Variants in COL7A1 observed in about 807,000 individuals in gnomAD.
COL7A1 encodes collagen type VII alpha 1 chain.
Under a neutral mutation model 456.2 loss-of-function variants are expected in COL7A1, and 296 were observed. The observed-to-expected ratio is 0.65, with a 90% CI of 0.59 to 0.71. The LOEUF is 0.71. COL7A1 is among the 30% of genes least tolerant of loss of function. The pLI is 0.00. For missense variants in COL7A1, 3,441 were observed against 4,017.2 expected (o/e 0.86, Z 3.88); for synonymous variants, 1,464 against 1,525.9 (o/e 0.96, Z 0.95).
In COL7A1 at chr3:48,566,618, G is replaced by A. The variant is rs1240431903; in HGVS notation, c.8304+42C>T. On this transcript the variant is annotated intron_variant, in intron 112 of 118. Coordinates refer to ENST00000681320, the MANE Select transcript of COL7A1 (RefSeq NM_000094.4). The surrounding 1 kb of genome is among the most constrained non-coding windows in gnomAD (Gnocchi z 5.9). ...ACCTCTGACCTCAGGGACAACAGAA[G>A]TCACCCCGATCTCTGACCCAAGCCT... 1.2e-6 allele frequency: 2 copies of A among 1,614,062 alleles called. No individual in the cohort carries two copies. The highest frequency in any genetic ancestry group is 1.7e-6 in the Non-Finnish European group (2 of 1,180,020).
At position 48,575,777 on chromosome 3, in the gene COL7A1, G is replaced by A. The variant is rs530472017; in HGVS notation, c.5857-29C>T. 45 of 1,613,790 alleles carry A rather than the reference G, an allele frequency of 2.8e-5. No individual in the cohort carries two copies. In the Middle Eastern group the frequency reaches 1.6e-3, roughly 59 times the overall value. On this transcript the variant is annotated intron_variant, in intron 72 of 118. Transcript: ENST00000681320. This position sits in a 1 kb window ranked among gnomAD's most constrained non-coding sequence, Gnocchi z 6.3. The stretch of plus-strand genomic sequence containing the variant: ...AGGGACAGCAAGAGGTCAGAGGAGC[G>A]GGGTGCGTCGCCGCAGCCCCTATGC...
chr3:48,589,119 C>T lies in COL7A1; in HGVS notation c.2315-124G>A, dbSNP rs909843450. The T allele has an allele frequency of 3.2e-6, 5 of 1,552,480 alleles. No homozygotes were observed. In the African/African-American group the frequency reaches 6.8e-5, roughly 21 times the overall value. Reference sequence around the variant, plus strand: ...TGTGGACAGGTCACTTTAGGCAGCCCTGAGGAGGAGGAGGTCAGTGCCTTG... The same window carrying T: ...TGTGGACAGGTCACTTTAGGCAGCCTTGAGGAGGAGGAGGTCAGTGCCTTG... On this transcript the variant is annotated intron_variant, in intron 18 of 118. Coordinates refer to ENST00000681320, the MANE Select transcript of COL7A1 (RefSeq NM_000094.4).
chr3:48,575,508 A>T lies in COL7A1; in HGVS notation c.6011T>A (p.Leu2004Gln). 1 of 1,612,636 alleles carries T rather than the reference A, an allele frequency of 6.2e-7. No individual in the cohort carries two copies. ...GCCAGGGTCTCCACGGTCGCCCTTC[A>T]GCCCGCGTTCTCCAGGAAAGCCGAT... Reference protein sequence around the residue: ...GPIGFPGERGLKGDRGDPGPQ... With the variant: ...GPIGFPGERGQKGDRGDPGPQ... Residue 2004 changes from leucine (L) to glutamine (Q), a missense_variant, in exon 74 of 119, where the codon CTG (leucine) becomes CAG (glutamine). Coordinates refer to ENST00000681320, the MANE Select transcript of COL7A1 (RefSeq NM_000094.4). The surrounding 1 kb of genome is among the most constrained non-coding windows in gnomAD (Gnocchi z 6.3).
In COL7A1 at chr3:48,578,839, C is replaced by T. The variant is rs1361852664; in HGVS notation, c.5424+80G>A. 6.2e-6 allele frequency: 9 copies of T among 1,460,130 alleles called. No homozygotes were observed. Among genetic ancestry groups the T allele is most frequent in the East Asian group, 2.4e-5 (1 of 41,866 alleles). 90.4% of individuals were successfully genotyped at this position (1,460,130 alleles called of 1,614,324 possible). On this transcript the variant is annotated intron_variant, in intron 63 of 118. Transcript: ENST00000681320. The surrounding 1 kb of genome is among the most constrained non-coding windows in gnomAD (Gnocchi z 4.7). ...TGAACCGACCCCCCACCAACTCTCT[C>T]GGATGCTGTGACTATGATGATCTGG...
rs1385270742 is a variant in COL7A1, at chr3:48,590,932, G to A, written c.1637-116C>T. The A allele has an allele frequency of 4.8e-5, 51 of 1,072,848 alleles. 1 individual carries two copies. Among genetic ancestry groups the A allele is most frequent in the Non-Finnish European group, 6.6e-5 (48 of 722,326 alleles). 66.5% of individuals were successfully genotyped at this position (1,072,848 alleles called of 1,614,324 possible). A position where few individuals can be genotyped will look rare whatever the true frequency, so the allele number is the denominator to read the frequency against. ...AGGGCCATGGGGGTGGGGATGTGGG[G>A]TGGTGGGGACCAGAGAGCTGGGATA... On this transcript the variant is annotated intron_variant, in intron 13 of 118. Coordinates refer to ENST00000681320, the MANE Select transcript of COL7A1 (RefSeq NM_000094.4). This position sits in a 1 kb window ranked among gnomAD's most constrained non-coding sequence, Gnocchi z 4.6.
At position 48,575,792 on chromosome 3, in the gene COL7A1, A is replaced by T; in HGVS notation, c.5857-44T>A. 1 of 1,613,788 alleles carries T rather than the reference A, an allele frequency of 6.2e-7. No individual in the cohort carries two copies. The highest frequency in any genetic ancestry group is 8.5e-7 in the Non-Finnish European group (1 of 1,179,968). The stretch of plus-strand genomic sequence containing the variant: ...TCAGAGGAGCGGGGTGCGTCGCCGC[A>T]GCCCCTATGCCTGTGGGCACCACTA... On this transcript the variant is annotated intron_variant, in intron 72 of 118. Transcript: ENST00000681320. This position sits in a 1 kb window ranked among gnomAD's most constrained non-coding sequence, Gnocchi z 6.3.
chr3:48,578,755 A>T lies in COL7A1; in HGVS notation c.5424+164T>A, dbSNP rs751991497. On this transcript the variant is annotated intron_variant, in intron 63 of 118. Transcript: ENST00000681320. The surrounding 1 kb of genome is among the most constrained non-coding windows in gnomAD (Gnocchi z 4.7). Reference sequence around the variant, plus strand: ...AGACCCCCAAGGCAAAGAAGGTCAGAAAGGGGGATTCTACTAAAACCTGTG... The same window carrying T: ...AGACCCCCAAGGCAAAGAAGGTCAGTAAGGGGGATTCTACTAAAACCTGTG... 269 of 804,062 alleles carry T rather than the reference A, an allele frequency of 3.3e-4. No homozygotes were observed. The highest frequency in any genetic ancestry group is 1.1e-3 in the Middle Eastern group (3 of 2,670). 49.8% of individuals were successfully genotyped at this position (804,062 alleles called of 1,614,324 possible).
rs778896185 is a variant in COL7A1 at position 48,591,845 on chromosome 3, C to A, written c.1358-23G>T. The A allele has an allele frequency of 1.9e-6, 3 of 1,614,044 alleles. No individual in the cohort carries two copies. The highest frequency in any genetic ancestry group is 1.1e-5 in the South Asian group (1 of 91,084). ...AGCCTGCAAGATAACAGGGTCAGACCAGCAGAGGCCATGCCCTGACCCTTG... is the reference window on the plus strand; with the variant it reads ...AGCCTGCAAGATAACAGGGTCAGACAAGCAGAGGCCATGCCCTGACCCTTG... On this transcript the variant is annotated intron_variant, in intron 11 of 118. Coordinates refer to ENST00000681320, the MANE Select transcript of COL7A1 (RefSeq NM_000094.4). The surrounding 1 kb of genome is among the most constrained non-coding windows in gnomAD (Gnocchi z 7.0).
Position 48,566,220 on chromosome 3 carries a change from T to A in COL7A1, c.8407+47A>T, listed in dbSNP as rs1467492009. ...TTCTAGGGGCCTGCCTGCCCTTGCCTAGGGTGCTGGGGTGGAGTGGGAGAC... is the reference window on the plus strand; with the variant it reads ...TTCTAGGGGCCTGCCTGCCCTTGCCAAGGGTGCTGGGGTGGAGTGGGAGAC... On this transcript the variant is annotated intron_variant, in intron 114 of 118. Transcript: ENST00000681320. This position sits in a 1 kb window ranked among gnomAD's most constrained non-coding sequence, Gnocchi z 5.9. 1.3e-6 allele frequency: 2 copies of A among 1,574,660 alleles called. No homozygotes were observed. Among genetic ancestry groups the A allele is most frequent in the South Asian group, 2.3e-5 (2 of 85,842 alleles).
chr3:48,585,690 CG>C lies in COL7A1; in HGVS notation c.3830del (p.Pro1277ArgfsTer48), dbSNP rs774436727. On this transcript the variant is annotated frameshift_variant and splice_region_variant, in exon 31 of 119. Coordinates refer to ENST00000681320, the MANE Select transcript of COL7A1 (RefSeq NM_000094.4). LOFTEE classifies it high-confidence loss of function. The surrounding 1 kb of genome is among the most constrained non-coding windows in gnomAD (Gnocchi z 4.5). Reference protein sequence around the residue: ...QVGPPGDPGLPGRTGAPGPQG... With the variant: ...QVGPPGDPGLXGRTGAPGPQG... ...AGGGACAGATGTGGGGGACACTCAC[CG>C]GGAGGCCAGGGTCGCCAGGAGGCCC... is the stretch of plus-strand genomic sequence containing the variant. The C allele has an allele frequency of 5.6e-6, 9 of 1,613,994 alleles. No homozygotes were observed. The highest frequency in any genetic ancestry group is 6.8e-6 in the Non-Finnish European group (8 of 1,179,978).
At position 48,571,937 on chromosome 3, in the gene COL7A1, G is replaced by A. The variant is rs952386383; in HGVS notation, c.7068+64C>T. Reference sequence around the variant, plus strand: ...AGACATGTGCCCCGGCCCAAGAGTGGCCCCTTATGCCCGCCATCACACTCC... The same window carrying A: ...AGACATGTGCCCCGGCCCAAGAGTGACCCCTTATGCCCGCCATCACACTCC... On this transcript the variant is annotated intron_variant, in intron 92 of 118. Coordinates refer to ENST00000681320, the MANE Select transcript of COL7A1 (RefSeq NM_000094.4). The surrounding 1 kb of genome is among the most constrained non-coding windows in gnomAD (Gnocchi z 4.6). The A allele has an allele frequency of 6.3e-7, 1 of 1,584,404 alleles. No homozygotes were observed. Among genetic ancestry groups the A allele is most frequent in the African/African-American group, 1.3e-5 (1 of 74,236 alleles).
In COL7A1 at chr3:48,588,021, G is replaced by A; in HGVS notation, c.2711-82C>T. 6.7e-7 allele frequency: 1 copy of A among 1,484,428 alleles called. No homozygotes were observed. The highest frequency in any genetic ancestry group is 9.1e-7 in the Non-Finnish European group (1 of 1,096,386). The allele number at this position is 1,484,428 out of a possible 1,614,324, so 92.0% of individuals were successfully genotyped here. On this transcript the variant is annotated intron_variant, in intron 21 of 118. Coordinates refer to ENST00000681320, the MANE Select transcript of COL7A1 (RefSeq NM_000094.4). This position sits in a 1 kb window ranked among gnomAD's most constrained non-coding sequence, Gnocchi z 4.6. ...CATTAAAGGGCCTGCCCACTTCACT[G>A]GCTCTGTTAACTGGGTTCACCCTCC...
chr3:48,581,523 C>G lies in COL7A1; in HGVS notation c.4783-40G>C. 1 of 1,614,112 alleles carries G rather than the reference C, an allele frequency of 6.2e-7. No individual in the cohort carries two copies. Among genetic ancestry groups the G allele is most frequent in the Non-Finnish European group, 8.5e-7 (1 of 1,180,002 alleles). On this transcript the variant is annotated intron_variant, in intron 50 of 118. Coordinates refer to ENST00000681320, the MANE Select transcript of COL7A1 (RefSeq NM_000094.4). This position sits in a 1 kb window ranked among gnomAD's most constrained non-coding sequence, Gnocchi z 5.8. ...AGGGGGGCAGGACTTAGTCAGGGTC[C>G]CACCACCTCATCTCCCTCTGTCACA...
Position 48,594,329 on chromosome 3 carries a change from G to A in COL7A1, c.266+39C>T. The A allele has an allele frequency of 6.3e-7, 1 of 1,597,278 alleles. No individual in the cohort carries two copies. Among genetic ancestry groups the A allele is most frequent in the African/African-American group, 1.4e-5 (1 of 73,856 alleles). On this transcript the variant is annotated intron_variant, in intron 3 of 118. Transcript: ENST00000681320. The surrounding 1 kb of genome is among the most constrained non-coding windows in gnomAD (Gnocchi z 5.5). ...CCTCTCTGGGGAAGGAGTCTTGGTG[G>A]GGATCTCGTGGTCCCCAGCCCCCAG...
rs763272653 is a variant in COL7A1, at chr3:48,574,714, G to A, written c.6356C>T (p.Pro2119Leu). ...GGGACCTTGGTCACCATTGCTGCCC[G>A]GCTCCCCCTGTGGGGATGAGATGTC... is the stretch of plus-strand genomic sequence containing the variant. ...PPGLKGAKGE[P>L]GSNGDQGPKG... is the part of the protein sequence containing the mutation. Residue 2119 changes from proline to leucine, a missense_variant, in exon 78 of 119, where the codon CCG becomes CTG. Physicochemically the swap from Pro to Leu is moderately conservative, Grantham distance 98 (BLOSUM62 -3). This residue lies in a region of COL7A1 where 2,084 missense variants were observed against 2,501.3 expected (regional missense o/e 0.83). Transcript: ENST00000681320. This position sits in a 1 kb window ranked among gnomAD's most constrained non-coding sequence, Gnocchi z 5.0. The A allele has an allele frequency of 2.9e-5, 46 of 1,613,836 alleles. No individual in the cohort carries two copies. The highest frequency in any genetic ancestry group is 1.1e-4 in the South Asian group (10 of 91,090).
chr3:48,582,966 G>T, intron 44 of COL7A1, 47 bp downstream of exon 44: 1 of 1,613,904 alleles, frequency 6.2e-7, no homozygotes, highest in Admixed American at 1.7e-5. Flanking sequence ...AACCAGAAAG[G>T]GCACAGCCAG....
rs1040213326 is a variant in COL7A1, at chr3:48,570,375, A to G, written c.7381-41T>C. On this transcript the variant is annotated intron_variant, in intron 97 of 118. Transcript: ENST00000681320. This position sits in a 1 kb window ranked among gnomAD's most constrained non-coding sequence, Gnocchi z 5.5. Reference sequence around the variant, plus strand: ...ACACCGGGGATCAGTGAGGGGAATCAGTGGGGGACGCAGGGTCATGGGAGG... The same window carrying G: ...ACACCGGGGATCAGTGAGGGGAATCGGTGGGGGACGCAGGGTCATGGGAGG... 7 of 1,613,866 alleles carry G rather than the reference A, an allele frequency of 4.3e-6. No homozygotes were observed. In the African/African-American group the frequency reaches 6.7e-5, roughly 15 times the overall value.
At position 48,568,903 on chromosome 3, in the gene COL7A1, G is replaced by C. The variant is rs776954595; in HGVS notation, c.7687-48C>G. The C allele has an allele frequency of 2.5e-5, 38 of 1,537,984 alleles. No individual in the cohort carries two copies. The highest frequency in any genetic ancestry group is 3.4e-5 in the Non-Finnish European group (38 of 1,134,008). On this transcript the variant is annotated intron_variant, in intron 103 of 118. Transcript: ENST00000681320. The surrounding 1 kb of genome is among the most constrained non-coding windows in gnomAD (Gnocchi z 5.2). Reference sequence around the variant, plus strand: ...GATTCAGTCAGGACCAGATCAGGCTGGGGGCTTAGAATACAACGAGCCCGC... The same window carrying C: ...GATTCAGTCAGGACCAGATCAGGCTCGGGGCTTAGAATACAACGAGCCCGC...
Position 48,571,153 on chromosome 3 carries a change from G to A in COL7A1, c.7112C>T (p.Pro2371Leu), listed in dbSNP as rs374621850. 9.9e-6 allele frequency: 16 copies of A among 1,613,938 alleles called. No homozygotes were observed. Among genetic ancestry groups the A allele is most frequent in the Non-Finnish European group, 1.0e-5 (12 of 1,180,030 alleles). The change falls in exon 94 of 119, where the codon CCA (proline) becomes CTA (leucine). Residue 2371 changes from proline to leucine, a missense_variant. Physicochemically the swap from Pro to Leu is moderately conservative, Grantham distance 98. Coordinates refer to ENST00000681320, the MANE Select transcript of COL7A1 (RefSeq NM_000094.4). This position sits in a 1 kb window ranked among gnomAD's most constrained non-coding sequence, Gnocchi z 4.6. Reference protein sequence around the residue: ...APGPKGFKGDPGVGVPGSPGP... With the variant: ...APGPKGFKGDLGVGVPGSPGP... ...AGGGGAGCCCGGGACCCCGACTCCT[G>A]GGTCACCCTTTGAGGAAAAGAGGCA...
Sources: allele counts gnomAD v4.1 joint callset, GRCh38; gene constraint gnomAD v4.1.1; regional missense constraint gnomAD v4.1.1; non-coding constraint Gnocchi (gnomAD v3.1); transcripts MANE v1.5; gene names NCBI Gene and HGNC (gene_info 2026-07-23, HGNC 2026-07-21).